The following GTPBP10 variants were observed in gnomAD, a reference collection of about 807,000 sequenced individuals.
GTPBP10 encodes GTP binding protein 10, also known as GTP-binding protein 10.
GTPBP10 carries 38 observed loss-of-function variants against 44.8 expected under a neutral mutation model. That is an observed-to-expected ratio of 0.85 (90% CI 0.65 to 1.11). The LOEUF (loss-of-function observed/expected upper bound fraction) is 1.11, where lower values mean the gene tolerates loss of function less well. Ranked by LOEUF, GTPBP10 falls within the 50% of genes most tolerant of loss-of-function variation. GTPBP10 has a pLI of 0.00. For synonymous variants in GTPBP10, 152 were observed against 150.6 expected, an observed-to-expected ratio of 1.01 and a Z score of -0.07; for missense variants, 462 against 453.7, an observed-to-expected ratio of 1.02 and a Z score of -0.17.
At chr7:90,355,717 C>T (rs1287988313) in intron 4 of GTPBP10, among the ~76,000 whole-genome samples, 4 of 152,074 alleles carry the variant, frequency 2.6e-5, no homozygotes, top group Non-Finnish European at 5.9e-5. Context: ...GCACTGTTGC[C>T]GCCAAATTGA....
At chr7:90,350,113 C>T (rs1429480250) in intron 1 of GTPBP10, among the ~76,000 whole-genome samples, 1 of 152,040 alleles carries the variant, frequency 6.6e-6, no homozygotes, top group Non-Finnish European at 1.5e-5. Flanking sequence ...GATGTTCCCC[C>T]CGTGTCCCAA....
intron 4 of GTPBP10, among the ~76,000 whole-genome samples, chr7:90,362,616 T>C (rs1035770522): frequency 5.3e-5 from 8 of 152,174 alleles, no homozygotes; most frequent in African/African-American, 1.9e-4. Flanking sequence ...TCTGTTGATT[T>C]GGGGTGGAGA....
rs1307799431 is a variant in GTPBP10 at position 90,372,225 on chromosome 7, G to T, written c.535G>T (p.Ala179Ser). The stretch of plus-strand genomic sequence containing the variant: ...TGCAAAACCTGCAATTGCAGATTAC[G>T]CATGTAAGTGTAATTTGATTGTACA... ...SHAKPAIADY[A>S]FTTLKPELGK... The change falls in exon 5 of 10, where the codon GCA becomes TCA. Residue 179 changes from alanine to serine, a missense_variant. Ala to Ser is a moderately conservative substitution (Grantham distance 99). Transcript: ENST00000222511. The T allele has an allele frequency of 1.9e-6, 3 of 1,582,450 alleles. No individual in the cohort carries two copies. The highest frequency in any genetic ancestry group is 1.3e-5 in the African/African-American group (1 of 74,488).
intron 5 of GTPBP10, among the ~76,000 whole-genome samples, chr7:90,373,010 G>T (rs1796287452): frequency 6.6e-6 from 1 of 152,130 alleles, no homozygotes; most frequent in Admixed American, 6.6e-5. Context: ...GTGATTTTTG[G>T]ACTGGGATAT....
In GTPBP10 at chr7:90,372,240, T is replaced by G; in HGVS notation, c.538+12T>G. 6.5e-7 allele frequency: 1 copy of G among 1,540,872 alleles called. No individual in the cohort carries two copies. The highest frequency in any genetic ancestry group is 8.9e-7 in the Non-Finnish European group (1 of 1,119,952). Reference sequence around the variant, plus strand: ...TGCAGATTACGCATGTAAGTGTAATTTGATTGTACATTTTAATGAGTGGAG... The same window carrying G: ...TGCAGATTACGCATGTAAGTGTAATGTGATTGTACATTTTAATGAGTGGAG... On this transcript the variant is annotated intron_variant, in intron 5 of 9. Coordinates refer to ENST00000222511, the MANE Select transcript of GTPBP10 (RefSeq NM_033107.4).
In GTPBP10 at chr7:90,346,731, C is replaced by G. The variant is rs751872146; in HGVS notation, c.-11C>G. Reference sequence around the variant, plus strand: ...CGCTTCCGCAAGAAGGTTTCCTGGCCTGTTGCAGCCATGGTGCATTGCAGT... The same window carrying G: ...CGCTTCCGCAAGAAGGTTTCCTGGCGTGTTGCAGCCATGGTGCATTGCAGT... On this transcript the variant is annotated 5_prime_UTR_variant, in exon 1 of 10. Transcript: ENST00000222511. The G allele has an allele frequency of 4.3e-6, 7 of 1,614,244 alleles. No individual in the cohort carries two copies. Among genetic ancestry groups the G allele is most frequent in the Middle Eastern group, 1.6e-4 (1 of 6,062 alleles).
At chr7:90,363,679 C>A (rs1335662445) in intron 4 of GTPBP10, among the ~76,000 whole-genome samples, 1 of 152,190 alleles carries the variant, frequency 6.6e-6, no homozygotes, top group African/African-American at 2.4e-5. Flanking sequence ...TGAATGTTGG[C>A]CTGCCTTGCT....
At position 90,354,481 on chromosome 7, in the gene GTPBP10, A is replaced by G. The variant is rs1163428183; in HGVS notation, c.251A>G (p.Lys84Arg). The G allele has an allele frequency of 5.7e-6, 9 of 1,586,164 alleles. No individual in the cohort carries two copies. The highest frequency in any genetic ancestry group is 2.7e-5 in the African/African-American group (2 of 73,284). Residue 84 changes from lysine (K) to arginine (R), a missense_variant, in exon 3 of 10, where the codon AAA (lysine) becomes AGA (arginine). Coordinates refer to ENST00000222511, the MANE Select transcript of GTPBP10 (RefSeq NM_033107.4). ...NSKISALKGS[K>R]GKDCEIPVPV... is the part of the protein sequence containing the mutation. ...AGAATTAGTGCACTGAAAGGCTCCA[A>G]AGGAAAAGACTGTGAAATCCCTGTG...
chr7:90,365,590 A>G (rs1796118771), intron 4 of GTPBP10, among the ~76,000 whole-genome samples: 1 of 151,238 alleles, frequency 6.6e-6, no homozygotes, highest in Non-Finnish European at 1.5e-5. Context: ...TTTAGCCGGG[A>G]TGGTCTCGAT....
chr7:90,371,010 GATAA>G (rs10525850), intron 4 of GTPBP10, among the ~76,000 whole-genome samples: 78,570 of 144,736 alleles, frequency 0.54, 21,847 homozygotes, highest in East Asian at 0.61. Flanking sequence ...CATCTCAATA[GATAA>G]ATAAATAAAT....
intron 4 of GTPBP10, among the ~76,000 whole-genome samples, chr7:90,370,779 G>T (rs946035187): frequency 6.6e-6 from 1 of 152,200 alleles, no homozygotes; most frequent in Non-Finnish European, 1.5e-5. Context: ...GCCAAGGTGG[G>T]CAGATCACGA....
At position 90,372,482 on chromosome 7, in the gene GTPBP10, C is replaced by CTTTTTTTT. The variant is rs757973599; in HGVS notation, c.538+262_538+269dup. Among the ~76,000 whole-genome samples, 63 of 112,202 alleles carry CTTTTTTTT rather than the reference C, an allele frequency of 5.6e-4. 2 individuals are homozygous for CTTTTTTTT. Among genetic ancestry groups the CTTTTTTTT allele is most frequent in the African/African-American group, 2.2e-3 (56 of 25,274 alleles). The allele number at this position is 112,202 out of a possible 152,430, so 73.6% of individuals were successfully genotyped here. On this transcript the variant is annotated intron_variant, in intron 5 of 9. Coordinates refer to ENST00000222511, the MANE Select transcript of GTPBP10 (RefSeq NM_033107.4). ...GGTATGTGCCACCATGCTTGGCTAA[C>CTTTTTTTT]TTTTTTTTTTTTTTTGTGGGGACAG...
intron 4 of GTPBP10, among the ~76,000 whole-genome samples, chr7:90,361,575 G>A (rs1796021826): frequency 1.3e-5 from 2 of 152,196 alleles, no homozygotes; most frequent in African/African-American, 2.4e-5. Flanking sequence ...GTTCATCAGG[G>A]ATATTGGTCT....
At chr7:90,359,986 G>A in intron 4 of GTPBP10, among the ~76,000 whole-genome samples, 1 of 151,324 alleles carries the variant, frequency 6.6e-6, no homozygotes, top group East Asian at 1.9e-4. Flanking sequence ...TGATGGGGTT[G>A]TTTGTTTTTT....
intron 4 of GTPBP10, 51 bp from the exon 5 acceptor site, chr7:90,372,104 T>C: frequency 9.3e-7 from 1 of 1,080,754 alleles, no homozygotes; most frequent in Non-Finnish European, 1.4e-6. Context: ...TGTTAGGAAT[T>C]CAGAGATAAT....
chr7:90,353,515 C>T (rs1274576860), intron 2 of GTPBP10, among the ~76,000 whole-genome samples: 2 of 152,084 alleles, frequency 1.3e-5, no homozygotes, highest in Non-Finnish European at 2.9e-5. Context: ...TTTCACATGT[C>T]AAAATTATTC....
chr7:90,370,958 A>G (rs111654112), intron 4 of GTPBP10, among the ~76,000 whole-genome samples: 14,811 of 151,834 alleles, frequency 0.098, 996 homozygotes, highest in Non-Finnish European at 0.15. Flanking sequence ...GTGAGCCAAG[A>G]TCACGCCACT....
At chr7:90,352,759 AG>A (rs1795814656) in intron 1 of GTPBP10, 56 bp from the exon 2 acceptor site, 2 of 1,276,708 alleles carry the variant, frequency 1.6e-6, no homozygotes, top group Non-Finnish European at 2.1e-6. Context: ...AACTAGAAAA[AG>A]GTTCTAAGGT....
chr7:90,358,652 A>G (rs1318369419), intron 4 of GTPBP10, among the ~76,000 whole-genome samples: 5 of 152,222 alleles, frequency 3.3e-5, no homozygotes, highest in Non-Finnish European at 7.3e-5. Flanking sequence ...ACCTGAAATT[A>G]TAAAAATTCT....
Sources: gnomAD v4.1 joint callset for allele counts (sites outside exome capture counted in the v4.1 genomes callset) on GRCh38, gnomAD v4.1.1 for gene constraint, MANE v1.5 for transcripts, NCBI Gene and HGNC (gene_info 2026-07-23, HGNC 2026-07-21) for gene names.